The following CSMD3 variants were observed in gnomAD, a reference collection of about 807,000 sequenced individuals.
The protein encoded by CSMD3 is CUB and sushi domain-containing protein 3.
In CSMD3, 177 loss-of-function variants were observed where a neutral mutation model predicts 435.2. The observed-to-expected ratio is 0.41, with a 90% CI of 0.36 to 0.46. The LOEUF is 0.46. CSMD3 is among the 20% of genes least tolerant of loss of function. The probability of loss-of-function intolerance (pLI) is 0.34; values close to 1 mark genes in which losing one functional copy is unlikely to be tolerated. For synonymous variants in CSMD3, 1,656 were observed against 1,520.5 expected, an observed-to-expected ratio of 1.09 and a Z score of -2.07; for missense variants, 4,265 against 4,504.6, an observed-to-expected ratio of 0.95 and a Z score of 1.52.
At chr8:113,170,221 C>T (rs369603570) in intron 4 of CSMD3, among the ~76,000 whole-genome samples, 5 of 152,158 alleles carry the variant, frequency 3.3e-5, no homozygotes, top group African/African-American at 9.6e-5. Flanking sequence ...GAGTAGTCTG[C>T]CATCTTTTCT....
At chr8:113,420,908 C>A (rs895468573) in intron 1 of CSMD3, among the ~76,000 whole-genome samples, 1 of 151,494 alleles carries the variant, frequency 6.6e-6, no homozygotes, top group Non-Finnish European at 1.5e-5. Flanking sequence ...GAGATCGCCC[C>A]ATTGCACTCC....
intron 44 of CSMD3, among the ~76,000 whole-genome samples, chr8:112,335,970 T>C (rs1052400681): frequency 6.6e-6 from 1 of 152,114 alleles, no homozygotes; most frequent in South Asian, 2.1e-4. Flanking sequence ...TGGAGTGCAG[T>C]AGGATGATCA....
intron 40 of CSMD3, among the ~76,000 whole-genome samples, chr8:112,350,658 T>C (rs1245686431): frequency 2.6e-5 from 4 of 152,016 alleles, no homozygotes; most frequent in Non-Finnish European, 5.9e-5. Flanking sequence ...ATAGAAGTAA[T>C]TTGGAAGCAG....
At chr8:113,179,691 A>G (rs2092396357) in intron 3 of CSMD3, among the ~76,000 whole-genome samples, 1 of 151,868 alleles carries the variant, frequency 6.6e-6, no homozygotes, top group Admixed American at 6.6e-5. Context: ...AATTTTCAAA[A>G]GGAAAATAAG....
intron 17 of CSMD3, among the ~76,000 whole-genome samples, chr8:112,663,854 G>C (rs1348955756): frequency 6.6e-6 from 1 of 152,152 alleles, no homozygotes; most frequent in Non-Finnish European, 1.5e-5. Context: ...GTAATGTTGA[G>C]AGAGTGCAGC....
intron 22 of CSMD3, among the ~76,000 whole-genome samples, chr8:112,607,179 A>G (rs540812065): frequency 3.9e-5 from 6 of 151,900 alleles, no homozygotes; most frequent in African/African-American, 1.4e-4. Context: ...AAAATTATAA[A>G]TGAATCGTAT....
intron 44 of CSMD3, among the ~76,000 whole-genome samples, chr8:112,335,829 A>C (rs996520028): frequency 5.9e-5 from 9 of 151,804 alleles, no homozygotes; most frequent in South Asian, 4.1e-4. Context: ...TGAGAATCAC[A>C]GACTGTTAAA....
intron 3 of CSMD3, among the ~76,000 whole-genome samples, chr8:113,250,286 T>G (rs1019509752): frequency 6.6e-6 from 1 of 151,736 alleles, no homozygotes. Context: ...AATAAAGGAG[T>G]TCATATTATT....
intron 4 of CSMD3, among the ~76,000 whole-genome samples, chr8:113,161,921 ACT>A (rs1248208997): frequency 6.6e-6 from 1 of 152,130 alleles, no homozygotes; most frequent in Non-Finnish European, 1.5e-5. Context: ...CACTTATATA[ACT>A]CTACACGTTA....
chr8:112,552,492 A>T, intron 26 of CSMD3, 102 bp downstream of exon 26: 1 of 1,237,132 alleles, frequency 8.1e-7, no homozygotes, highest in South Asian at 1.3e-5. Flanking sequence ...CTCAAGAAAA[A>T]CAAACAAACA....
chr8:113,123,696 T>G (rs1282793159), intron 4 of CSMD3, among the ~76,000 whole-genome samples: 12 of 152,010 alleles, frequency 7.9e-5, no homozygotes, highest in Non-Finnish European at 1.5e-5. Context: ...ACTGTGTTGC[T>G]GAATCCTTTG....
At chr8:113,417,702 G>C (rs1373280034) in intron 1 of CSMD3, among the ~76,000 whole-genome samples, 1 of 151,860 alleles carries the variant, frequency 6.6e-6, no homozygotes, top group Non-Finnish European at 1.5e-5. Flanking sequence ...CTGAAACAAT[G>C]CATCCATGAA....
At chr8:112,583,103 C>G (rs1240032144) in intron 23 of CSMD3, among the ~76,000 whole-genome samples, 1 of 151,864 alleles carries the variant, frequency 6.6e-6, no homozygotes, top group Non-Finnish European at 1.5e-5. Flanking sequence ...TAATTTAGAC[C>G]AAGGTAATTT....
intron 4 of CSMD3, among the ~76,000 whole-genome samples, chr8:113,153,418 A>G (rs1289758041): frequency 6.6e-6 from 1 of 152,042 alleles, no homozygotes; most frequent in East Asian, 1.9e-4. Flanking sequence ...TAAGGGAACA[A>G]ACAATGATTG....
chr8:112,292,475 C>T (rs894974417), intron 55 of CSMD3, 62 bp downstream of exon 55: 22 of 1,538,380 alleles, frequency 1.4e-5, no homozygotes, highest in Non-Finnish European at 1.8e-5. Flanking sequence ...TTAAGTGTGT[C>T]ACTGATGTTT....
chr8:112,250,555 A>ATATCC (rs1174216461), intron 63 of CSMD3, among the ~76,000 whole-genome samples: 2 of 151,540 alleles, frequency 1.3e-5, no homozygotes, highest in Non-Finnish European at 3.0e-5. Context: ...CCAATTTGAT[A>ATATCC]TATCCTTCTG....
intron 3 of CSMD3, among the ~76,000 whole-genome samples, chr8:113,229,474 C>T (rs1157879959): frequency 4.0e-5 from 6 of 150,896 alleles, no homozygotes; most frequent in Non-Finnish European, 8.9e-5. Context: ...GTCTCTTTCA[C>T]ACCTTTGCCA....
intron 3 of CSMD3, among the ~76,000 whole-genome samples, chr8:113,226,286 A>G (rs1373772385): frequency 6.6e-6 from 1 of 151,718 alleles, no homozygotes; most frequent in Non-Finnish European, 1.5e-5. Context: ...TCATATTAAA[A>G]ATATTACATG....
intron 3 of CSMD3, among the ~76,000 whole-genome samples, chr8:113,188,578 C>T (rs1198157253): frequency 6.6e-6 from 1 of 151,896 alleles, no homozygotes; most frequent in Non-Finnish European, 1.5e-5. Context: ...TTATTTTGCC[C>T]TTCTAGAGTA....
Sources: allele counts gnomAD v4.1 joint callset (sites outside exome capture counted in the v4.1 genomes callset), GRCh38; gene constraint gnomAD v4.1.1; transcripts MANE v1.5; gene names NCBI Gene and HGNC (gene_info 2026-07-23, HGNC 2026-07-21).